BTC: variants seen among roughly 807,000 people sequenced by gnomAD.
BTC encodes betacellulin, also known as probetacellulin.
BTC carries 13 observed loss-of-function variants against 18.1 expected under a neutral mutation model. The ratio of observed to expected loss-of-function variants is 0.72; its 90% CI spans 0.47 to 1.14. The LOEUF (loss-of-function observed/expected upper bound fraction) is 1.14, where lower values mean the gene tolerates loss of function less well. Among genes scored for constraint, BTC ranks in the 50% most tolerant of loss-of-function variants. The pLI, the probability that BTC is intolerant of heterozygous loss-of-function variation, is 0.00. For synonymous variants in BTC, 83 were observed against 79.4 expected (o/e 1.05, Z -0.24); for missense variants, 247 against 224.2 (o/e 1.10, Z -0.65).
In BTC at chr4:74,746,685, A is replaced by T. The variant is rs1724299042; in HGVS notation, c.*2-10T>A. 6.6e-6 allele frequency: 1 copy of T among 152,644 alleles called. No homozygotes were observed. Among genetic ancestry groups the T allele is most frequent in the South Asian group, 2.1e-4 (1 of 4,832 alleles). The allele number at this position is 152,644 out of a possible 1,614,324, so 9.5% of individuals were successfully genotyped here. Reference sequence around the variant, plus strand: ...GGTAACTTCATAGCCTCTGAGAATGAAGAAAATAACAGCACATCACTTAAA... The same window carrying T: ...GGTAACTTCATAGCCTCTGAGAATGTAGAAAATAACAGCACATCACTTAAA... On this transcript the variant is annotated splice_polypyrimidine_tract_variant and intron_variant, in intron 5 of 5. Coordinates refer to ENST00000395743, the MANE Select transcript of BTC (RefSeq NM_001729.4).
At chr4:74,748,806 G>T (rs1009252606) in intron 4 of BTC, among the ~76,000 whole-genome samples, 1 of 152,078 alleles carries the variant, frequency 6.6e-6, no homozygotes, top group Non-Finnish European at 1.5e-5. Flanking sequence ...ACAGCGTTTG[G>T]ATATATTAAC....
At chr4:74,783,305 A>G (rs914343036) in intron 1 of BTC, among the ~76,000 whole-genome samples, 1 of 151,940 alleles carries the variant, frequency 6.6e-6, no homozygotes, top group Non-Finnish European at 1.5e-5. Context: ...TCCAGTTTCC[A>G]TTTTCTGCAT....
chr4:74,793,547 T>C (rs1396589938), intron 1 of BTC, among the ~76,000 whole-genome samples: 2 of 152,146 alleles, frequency 1.3e-5, no homozygotes, highest in Admixed American at 6.5e-5. Context: ...AAAATGACCA[T>C]GATGCAGAGA....
chr4:74,768,441 C>T (rs987536074), intron 2 of BTC, among the ~76,000 whole-genome samples: 2 of 152,134 alleles, frequency 1.3e-5, no homozygotes, highest in African/African-American at 2.4e-5. Context: ...GAGAAAAATA[C>T]TGCCATTGTG....
intron 4 of BTC, among the ~76,000 whole-genome samples, chr4:74,749,158 G>A (rs1269611820): frequency 3.3e-5 from 5 of 151,996 alleles, no homozygotes; most frequent in South Asian, 2.1e-4. Context: ...GGCCGGGCGC[G>A]GTGGCTCATG....
At chr4:74,781,898 C>T (rs528240237) in intron 1 of BTC, among the ~76,000 whole-genome samples, 2 of 152,196 alleles carry the variant, frequency 1.3e-5, no homozygotes, top group South Asian at 2.1e-4. Flanking sequence ...CCCCATTCTG[C>T]TTTCCATCTC....
chr4:74,758,878 C>T lies in BTC; in HGVS notation c.164-2902G>A, dbSNP rs1206939094. Among the ~76,000 whole-genome samples the T allele has an allele frequency of 2.0e-5, 3 of 152,066 alleles. No homozygotes were observed. The East Asian group carries it at 5.8e-4, about 29-fold the overall frequency. On this transcript the variant is annotated intron_variant, in intron 2 of 5. Coordinates refer to ENST00000395743, the MANE Select transcript of BTC (RefSeq NM_001729.4). Reference sequence around the variant, plus strand: ...ATGCCACCAGGCAGAAAATGTCCAGCGATTTCTTTATGGAGCTTTAAAACC... The same window carrying T: ...ATGCCACCAGGCAGAAAATGTCCAGTGATTTCTTTATGGAGCTTTAAAACC...
intron 2 of BTC, among the ~76,000 whole-genome samples, chr4:74,761,676 C>A (rs1373203944): frequency 1.3e-5 from 2 of 152,164 alleles, no homozygotes; most frequent in African/African-American, 4.8e-5. Flanking sequence ...ACACTACATC[C>A]AATGCATCAA....
Position 74,750,656 on chromosome 4 carries a change from G to A in BTC, c.345C>T (p.Asp115=). The change falls in exon 4 of 6, where the codon GAC becomes GAT. Residue 115 remains aspartate, a synonymous_variant. Coordinates refer to ENST00000395743, the MANE Select transcript of BTC (RefSeq NM_001729.4). ...ERVDLFYLRG[D]RGQILVICLI... is the part of the protein sequence containing the mutation. ...AACAAATCACCAGAATCTGTCCTCT[G>A]TCTCCTCTTAGGTAAAACAAGTCAA... 6.2e-7 allele frequency: 1 copy of A among 1,613,880 alleles called. No individual in the cohort carries two copies. Among genetic ancestry groups the A allele is most frequent in the African/African-American group, 1.3e-5 (1 of 75,014 alleles).
At chr4:74,755,406 G>T (rs1344950818) in intron 3 of BTC, among the ~76,000 whole-genome samples, 2 of 152,130 alleles carry the variant, frequency 1.3e-5, no homozygotes, top group Non-Finnish European at 2.9e-5. Flanking sequence ...TACTAAACAG[G>T]CTTCGCTAAT....
At chr4:74,790,116 G>A (rs1158707213) in intron 1 of BTC, among the ~76,000 whole-genome samples, 1 of 152,170 alleles carries the variant, frequency 6.6e-6, no homozygotes, top group Non-Finnish European at 1.5e-5. Flanking sequence ...ACTAGCGGGA[G>A]CAGGAATTTG....
chr4:74,791,823 A>G (rs956635514), intron 1 of BTC, among the ~76,000 whole-genome samples: 17 of 152,306 alleles, frequency 1.1e-4, no homozygotes, highest in East Asian at 7.7e-4. Flanking sequence ...GGGCATCACC[A>G]TCTAATGAAA....
intron 1 of BTC, among the ~76,000 whole-genome samples, chr4:74,776,367 C>A (rs192448700): frequency 7.3e-4 from 111 of 152,176 alleles, no homozygotes; most frequent in African/African-American, 2.5e-3. Flanking sequence ...ACAAAATAAA[C>A]TAATGTTAAC....
intron 1 of BTC, 124 bp downstream of exon 1, chr4:74,794,138 C>T (rs1175160291): frequency 7.8e-7 from 1 of 1,277,614 alleles, no homozygotes; most frequent in Non-Finnish European, 1.1e-6. Flanking sequence ...AGTTCTCCAA[C>T]CCGCGCCTGC....
In BTC at chr4:74,750,622, C is replaced by T; in HGVS notation, c.379G>A (p.Val127Ile). ...ACCAAAATAATAAAAACTACCATAA[C>T]TGCTATCAAACAAATCACCAGAATC... The part of the protein sequence containing the change: ...GQILVICLIA[V>I]MVVFIILVIG... The change falls in exon 4 of 6, where the codon GTT (valine) becomes ATT (isoleucine). Residue 127 changes from valine (V) to isoleucine (I), a missense_variant. Coordinates refer to ENST00000395743, the MANE Select transcript of BTC (RefSeq NM_001729.4). 2 of 1,613,872 alleles carry T rather than the reference C, an allele frequency of 1.2e-6. No homozygotes were observed. Among genetic ancestry groups the T allele is most frequent in the East Asian group, 4.5e-5 (2 of 44,812 alleles).
At chr4:74,767,949 CA>C (rs1477529479) in intron 2 of BTC, among the ~76,000 whole-genome samples, 3 of 152,068 alleles carry the variant, frequency 2.0e-5, no homozygotes. Context: ...CGTAAGATAA[CA>C]CTTCTTGACA....
intron 1 of BTC, among the ~76,000 whole-genome samples, chr4:74,792,065 A>G (rs1261201974): frequency 2.0e-5 from 3 of 152,218 alleles, no homozygotes; most frequent in African/African-American, 7.2e-5. Context: ...TAAATAGAAC[A>G]ACATGTGACA....
rs994978794 is a variant in BTC at position 74,746,519 on chromosome 4, A to C, written c.*158T>G. ...TATACATATAATTAATGTTCTTATT[A>C]AAAAATAATAACACAAACTAAAGTT... On this transcript the variant is annotated 3_prime_UTR_variant, in exon 6 of 6. Transcript: ENST00000395743. 3.3e-5 allele frequency: 5 copies of C among 152,554 alleles called. No homozygotes were observed. The highest frequency in any genetic ancestry group is 4.8e-5 in the African/African-American group (2 of 41,418). The allele number at this position is 152,554 out of a possible 1,614,324, so 9.5% of individuals were successfully genotyped here. A position where few individuals can be genotyped will look rare whatever the true frequency, so the allele number is the denominator to read the frequency against.
chr4:74,759,460 G>A (rs1441389975), intron 2 of BTC, among the ~76,000 whole-genome samples: 3 of 151,998 alleles, frequency 2.0e-5, no homozygotes, highest in Non-Finnish European at 2.9e-5. Context: ...ATCCACTAGT[G>A]GACCAGGCTG....
Sources: allele counts gnomAD v4.1 joint callset (sites outside exome capture counted in the v4.1 genomes callset), GRCh38; gene constraint gnomAD v4.1.1; transcripts MANE v1.5; gene names NCBI Gene and HGNC (gene_info 2026-07-23, HGNC 2026-07-21).